The following C8orf34 variants were observed in gnomAD, a reference collection of about 807,000 sequenced individuals.
The protein encoded by C8orf34 is uncharacterized protein C8orf34.
Under a neutral mutation model 68.3 loss-of-function variants are expected in C8orf34, and 65 were observed. That is an observed-to-expected ratio of 0.95 (90% CI 0.78 to 1.17). The LOEUF is 1.17. C8orf34 is among the 50% of genes most tolerant of loss of function. The probability of loss-of-function intolerance (pLI) is 0.00; values close to 1 mark genes in which losing one functional copy is unlikely to be tolerated. For synonymous variants in C8orf34, 244 were observed against 241.2 expected, an observed-to-expected ratio of 1.01 and a Z score of -0.11; for missense variants, 664 against 655.4, an observed-to-expected ratio of 1.01 and a Z score of -0.14.
chr8:68,652,878 G>C (rs1039460880), intron 8 of C8orf34, among the ~76,000 whole-genome samples: 3 of 152,094 alleles, frequency 2.0e-5, no homozygotes, highest in African/African-American at 7.2e-5. Flanking sequence ...GAATGGCATT[G>C]CTTTTCATCT....
chr8:68,424,048 C>A (rs975691198), intron 1 of C8orf34, among the ~76,000 whole-genome samples: 3 of 152,060 alleles, frequency 2.0e-5, no homozygotes, highest in African/African-American at 7.2e-5. Context: ...AGAGCCACAC[C>A]ATATCACCTG....
At chr8:68,654,557 T>G (rs910654677) in intron 8 of C8orf34, among the ~76,000 whole-genome samples, 1 of 152,190 alleles carries the variant, frequency 6.6e-6, no homozygotes, top group African/African-American at 2.4e-5. Flanking sequence ...ATCTTCAAAA[T>G]TTATAATTTT....
intron 4 of C8orf34, among the ~76,000 whole-genome samples, chr8:68,484,313 A>C (rs897333901): frequency 1.3e-5 from 2 of 152,188 alleles, no homozygotes; most frequent in East Asian, 3.9e-4. Flanking sequence ...ACCTCCCACC[A>C]GCCCTCACCT....
chr8:68,462,137 A>C (rs1302720280), intron 3 of C8orf34, among the ~76,000 whole-genome samples: 1 of 152,102 alleles, frequency 6.6e-6, no homozygotes, highest in Non-Finnish European at 1.5e-5. Context: ...CAGGGGTTGC[A>C]ATCCTGGTCT....
chr8:68,411,579 T>G (rs529960720), intron 1 of C8orf34, among the ~76,000 whole-genome samples: 1 of 152,350 alleles, frequency 6.6e-6, no homozygotes, highest in South Asian at 2.1e-4. Context: ...ATTTTGGTAC[T>G]AAGCAGATAC....
At chr8:68,485,389 C>T (rs1378240631) in intron 4 of C8orf34, among the ~76,000 whole-genome samples, 6 of 151,760 alleles carry the variant, frequency 4.0e-5, no homozygotes, top group South Asian at 2.1e-4. Context: ...TTTGTAAGCC[C>T]GAGAGCATGA....
intron 6 of C8orf34, chr8:68,530,623 G>A: frequency 1.6e-6 from 2 of 1,240,270 alleles, no homozygotes; most frequent in Non-Finnish European, 2.1e-6. Context: ...ATGATGCAGA[G>A]GACAGATGCC....
At chr8:68,738,093 G>T (rs1438294131) in intron 10 of C8orf34, among the ~76,000 whole-genome samples, 1 of 151,752 alleles carries the variant, frequency 6.6e-6, no homozygotes, top group African/African-American at 2.4e-5. Flanking sequence ...TTTTTATATG[G>T]TCCAGTTTCT....
rs200166753 is a variant in C8orf34 at position 68,462,323 on chromosome 8, C to T, written c.608-6369C>T. Among the ~76,000 whole-genome samples, 15 of 152,288 alleles carry T rather than the reference C, an allele frequency of 9.8e-5. No individual in the cohort carries two copies. The East Asian group carries it at 2.9e-3, about 29-fold the overall frequency. On this transcript the variant is annotated intron_variant, in intron 3 of 13. Coordinates refer to ENST00000518698, the MANE Select transcript of C8orf34 (RefSeq NM_052958.4). Reference sequence around the variant, plus strand: ...TGAATGACCTACAAAGGGACTTAGACTCCCACACAATAATAATGGGAGAAT... The same window carrying T: ...TGAATGACCTACAAAGGGACTTAGATTCCCACACAATAATAATGGGAGAAT...
chr8:68,530,490 G>A, intron 6 of C8orf34: 1 of 338,932 alleles, frequency 3.0e-6, no homozygotes, highest in South Asian at 2.9e-5. Context: ...AGATCTATCA[G>A]CTAAGAAATC....
In C8orf34 at chr8:68,731,112, C is replaced by G. The variant is rs535271617; in HGVS notation, c.1404+9675C>G. Among the ~76,000 whole-genome samples, 3 of 152,228 alleles carry G rather than the reference C, an allele frequency of 2.0e-5. No individual in the cohort carries two copies. The East Asian group carries it at 5.8e-4, about 29-fold the overall frequency. On this transcript the variant is annotated intron_variant, in intron 10 of 13. Coordinates refer to ENST00000518698, the MANE Select transcript of C8orf34 (RefSeq NM_052958.4). ...GCTGGGAAACACATTAATATCCAAT[C>G]CCTTGTGGAAATGGAAAAACATTAA...
intron 12 of C8orf34, among the ~76,000 whole-genome samples, chr8:68,805,094 A>AT (rs1197995862): frequency 2.0e-5 from 3 of 152,162 alleles, no homozygotes; most frequent in African/African-American, 2.4e-5. Context: ...TCAGGCTTGC[A>AT]TTTTTTTTCT....
intron 7 of C8orf34, among the ~76,000 whole-genome samples, chr8:68,631,176 C>T (rs1157949130): frequency 6.6e-6 from 1 of 151,906 alleles, no homozygotes; most frequent in Non-Finnish European, 1.5e-5. Context: ...GCAGGAGAAT[C>T]ACTTGAACCT....
intron 7 of C8orf34, among the ~76,000 whole-genome samples, chr8:68,619,352 A>C (rs1293184907): frequency 6.6e-6 from 1 of 152,138 alleles, no homozygotes; most frequent in African/African-American, 2.4e-5. Context: ...ACATAAATAA[A>C]GGAGAGGTTG....
At chr8:68,581,467 C>T (rs905284168) in intron 7 of C8orf34, among the ~76,000 whole-genome samples, 2 of 151,914 alleles carry the variant, frequency 1.3e-5, no homozygotes, top group Admixed American at 6.6e-5. Context: ...GTGAGAGTAT[C>T]CTTTCTGAAT....
chr8:68,572,890 G>A (rs916370098), intron 7 of C8orf34, among the ~76,000 whole-genome samples: 18 of 152,044 alleles, frequency 1.2e-4, no homozygotes, highest in Admixed American at 1.1e-3. Flanking sequence ...TGTTAGAGCT[G>A]GAATTTGTCT....
intron 10 of C8orf34, among the ~76,000 whole-genome samples, chr8:68,749,892 T>G (rs1053038530): frequency 1.3e-5 from 2 of 152,212 alleles, no homozygotes; most frequent in Non-Finnish European, 2.9e-5. Context: ...ACATTTGGAT[T>G]GTTTTTAATA....
chr8:68,501,891 AGAAGGGAAAGAT>A (rs1813789166), intron 5 of C8orf34, among the ~76,000 whole-genome samples: 1 of 152,218 alleles, frequency 6.6e-6, no homozygotes, highest in Non-Finnish European at 1.5e-5. Flanking sequence ...TACAAAGGGT[AGAAGGGAAAGAT>A]CAGTCAATTT....
At chr8:68,588,413 C>T (rs1173086200) in intron 7 of C8orf34, among the ~76,000 whole-genome samples, 1 of 152,096 alleles carries the variant, frequency 6.6e-6, no homozygotes, top group Non-Finnish European at 1.5e-5. Flanking sequence ...AAAATATTAA[C>T]ATTTTCAACA....
Sources: gnomAD v4.1 joint callset for allele counts (sites outside exome capture counted in the v4.1 genomes callset) on GRCh38, gnomAD v4.1.1 for gene constraint, MANE v1.5 for transcripts, NCBI Gene and HGNC (gene_info 2026-07-23, HGNC 2026-07-21) for gene names.